SEMA3E: variants seen among roughly 807,000 people sequenced by gnomAD.
SEMA3E encodes the protein semaphorin-3E.
SEMA3E carries 49 observed loss-of-function variants against 93.6 expected under a neutral mutation model. The ratio of observed to expected loss-of-function variants is 0.52; its 90% confidence interval spans 0.42 to 0.66. The LOEUF is 0.66. Ranked by LOEUF, SEMA3E falls within the 30% of genes least tolerant of loss-of-function variation. The pLI is 0.00. For missense variants in SEMA3E, 906 were observed against 964.8 expected, an observed-to-expected ratio of 0.94 and a Z score of 0.81; for synonymous variants, 363 against 330.7, an observed-to-expected ratio of 1.10 and a Z score of -1.06.
intron 5 of SEMA3E, among the ~76,000 whole-genome samples, chr7:83,413,232 T>A (rs1788479678): frequency 6.6e-6 from 1 of 152,166 alleles, no homozygotes; most frequent in Admixed American, 6.5e-5. Flanking sequence ...CTATATATTA[T>A]CTGAGTTTTT....
chr7:83,610,517 C>T (rs1430976620), intron 1 of SEMA3E, among the ~76,000 whole-genome samples: 1 of 152,006 alleles, frequency 6.6e-6, no homozygotes, highest in Admixed American at 6.6e-5. Context: ...CTAAATGCTG[C>T]TCTGCAATTT....
At chr7:83,453,724 C>CAG (rs5885353) in intron 4 of SEMA3E, among the ~76,000 whole-genome samples, 16,559 of 152,026 alleles carry the variant, frequency 0.11, 1,018 homozygotes, top group Non-Finnish European at 0.14. Flanking sequence ...AATTGCAGGC[C>CAG]AGTCATTCTT....
intron 1 of SEMA3E, among the ~76,000 whole-genome samples, chr7:83,605,434 T>C (rs1193435018): frequency 6.7e-6 from 1 of 150,094 alleles, no homozygotes; most frequent in African/African-American, 2.4e-5. Context: ...TGTCCTCTCT[T>C]TTTTTTTTTT....
intron 1 of SEMA3E, among the ~76,000 whole-genome samples, chr7:83,612,144 A>G (rs1212907886): frequency 6.6e-6 from 1 of 152,120 alleles, no homozygotes; most frequent in Non-Finnish European, 1.5e-5. Flanking sequence ...ATCCTATGTA[A>G]AAAAGAATCC....
intron 1 of SEMA3E, among the ~76,000 whole-genome samples, chr7:83,535,408 T>A (rs1487622811): frequency 6.6e-6 from 1 of 152,146 alleles, no homozygotes; most frequent in African/African-American, 2.4e-5. Flanking sequence ...AGTTACTTTT[T>A]TTTCAAGCAG....
intron 1 of SEMA3E, among the ~76,000 whole-genome samples, chr7:83,513,641 A>G (rs1790870442): frequency 6.6e-6 from 1 of 152,220 alleles, no homozygotes; most frequent in African/African-American, 2.4e-5. Context: ...GAATACACAC[A>G]TACAAACATA....
chr7:83,418,378 A>G lies in SEMA3E; in HGVS notation c.550+12T>C. ...ATGACTACCACCTGATGTCTGTGGC[A>G]ATGACAATTACCAATTAAAGTGGAG... On this transcript the variant is annotated intron_variant, in intron 5 of 16. Transcript: ENST00000643230. The G allele has an allele frequency of 6.3e-7, 1 of 1,577,856 alleles. No individual in the cohort carries two copies. Among genetic ancestry groups the G allele is most frequent in the Non-Finnish European group, 8.7e-7 (1 of 1,148,830 alleles).
chr7:83,449,081 T>G (rs1353510026), intron 4 of SEMA3E, among the ~76,000 whole-genome samples: 1 of 145,244 alleles, frequency 6.9e-6, no homozygotes, highest in African/African-American at 2.5e-5. Flanking sequence ...AAGTTTTATT[T>G]TTTAAATTTT....
intron 5 of SEMA3E, among the ~76,000 whole-genome samples, chr7:83,413,433 C>T (rs1421275026): frequency 1.3e-5 from 2 of 152,188 alleles, no homozygotes; most frequent in Non-Finnish European, 2.9e-5. Flanking sequence ...ATTTAGCTGC[C>T]TCACTTTATA....
intron 4 of SEMA3E, among the ~76,000 whole-genome samples, chr7:83,424,124 A>G (rs972141007): frequency 6.6e-6 from 1 of 152,178 alleles, no homozygotes; most frequent in Non-Finnish European, 1.5e-5. Flanking sequence ...AGTGCATAAC[A>G]ATAGATGGTT....
intron 1 of SEMA3E, among the ~76,000 whole-genome samples, chr7:83,579,709 AATT>A (rs898430876): frequency 6.6e-6 from 1 of 152,124 alleles, no homozygotes; most frequent in Non-Finnish European, 1.5e-5. Context: ...TTAATTTGAC[AATT>A]ATTCTTTTTC....
intron 5 of SEMA3E, among the ~76,000 whole-genome samples, chr7:83,412,970 C>T (rs918624730): frequency 6.6e-6 from 1 of 151,710 alleles, no homozygotes; most frequent in African/African-American, 2.4e-5. Flanking sequence ...GAATTTCAGC[C>T]CAAAGGACAT....
intron 1 of SEMA3E, among the ~76,000 whole-genome samples, chr7:83,530,154 G>A (rs1791257412): frequency 6.6e-6 from 1 of 151,980 alleles, no homozygotes; most frequent in African/African-American, 2.4e-5. Flanking sequence ...GTTGTTGATT[G>A]TTTACTATAA....
intron 1 of SEMA3E, among the ~76,000 whole-genome samples, chr7:83,574,882 C>T (rs1371595928): frequency 6.6e-6 from 1 of 152,124 alleles, no homozygotes; most frequent in Non-Finnish European, 1.5e-5. Flanking sequence ...AGAAGTACTG[C>T]CTGTTCAACC....
chr7:83,457,142 C>T (rs1584260608), intron 4 of SEMA3E, among the ~76,000 whole-genome samples: 1 of 152,158 alleles, frequency 6.6e-6, no homozygotes, highest in East Asian at 1.9e-4. Flanking sequence ...GACATTCTAC[C>T]ACCACCTAAA....
Position 83,387,186 on chromosome 7 carries a change from T to G in SEMA3E, c.1668-136A>C, listed in dbSNP as rs190697584. Reference sequence around the variant, plus strand: ...TCATTCATATGAAAAAAGAATAAAATCCAAGTTTCATAGTTTTTCATATTT... The same window carrying G: ...TCATTCATATGAAAAAAGAATAAAAGCCAAGTTTCATAGTTTTTCATATTT... On this transcript the variant is annotated intron_variant, in intron 14 of 16. Coordinates refer to ENST00000643230, the MANE Select transcript of SEMA3E (RefSeq NM_012431.3). 1,372 of 754,318 alleles carry G rather than the reference T, an allele frequency of 1.8e-3. 2 individuals are homozygous for G. Among genetic ancestry groups the G allele is most frequent in the Non-Finnish European group, 2.4e-3 (1,080 of 448,112 alleles). The allele number at this position is 754,318 out of a possible 1,614,324, so 46.7% of individuals were successfully genotyped here.
At chr7:83,643,982 G>A (rs191308946) in intron 1 of SEMA3E, among the ~76,000 whole-genome samples, 1 of 151,878 alleles carries the variant, frequency 6.6e-6, no homozygotes, top group Admixed American at 6.6e-5. Context: ...GCTATGAGCT[G>A]GGTCAGGAAA....
At chr7:83,622,116 C>T (rs894204949) in intron 1 of SEMA3E, among the ~76,000 whole-genome samples, 3 of 151,408 alleles carry the variant, frequency 2.0e-5, no homozygotes, top group East Asian at 1.9e-4. Flanking sequence ...AATATCCAGT[C>T]GACGAGGAAC....
At chr7:83,562,777 C>T (rs141719705) in intron 1 of SEMA3E, among the ~76,000 whole-genome samples, 121 of 151,878 alleles carry the variant, frequency 8.0e-4, no homozygotes, top group Middle Eastern at 3.4e-3. Context: ...TTTAGTAGCG[C>T]GAAGAAGAAT....
Sources: allele counts gnomAD v4.1 joint callset (sites outside exome capture counted in the v4.1 genomes callset), GRCh38; gene constraint gnomAD v4.1.1; transcripts MANE v1.5; gene names NCBI Gene and HGNC (gene_info 2026-07-23, HGNC 2026-07-21).